TRAPPC12: variants seen among roughly 807,000 people sequenced by gnomAD.
TRAPPC12 encodes trafficking protein particle complex subunit 12.
TRAPPC12 carries 61 observed loss-of-function variants against 69.2 expected under a neutral mutation model. That is an observed-to-expected ratio of 0.88 (90% CI 0.72 to 1.09). The LOEUF (loss-of-function observed/expected upper bound fraction) is 1.09. Among genes scored for constraint, TRAPPC12 ranks in the 50% least tolerant of loss-of-function variants. The pLI, the probability that TRAPPC12 is intolerant of heterozygous loss-of-function variation, is 0.00. For missense variants in TRAPPC12, 1,101 were observed against 1,016.4 expected (o/e 1.08, Z -1.13); for synonymous variants, 469 against 438.9 (o/e 1.07, Z -0.86).
At chr2:3,471,102 A>G (rs34188204) in intron 9 of TRAPPC12, among the ~76,000 whole-genome samples, 16,232 of 152,310 alleles carry the variant, frequency 0.11, 1,011 homozygotes, top group Middle Eastern at 0.14. Flanking sequence ...TGGCGAATAC[A>G]AGGATGGCAC....
At chr2:3,402,276 T>C (rs752567937) in intron 3 of TRAPPC12, among the ~76,000 whole-genome samples, 1 of 152,232 alleles carries the variant, frequency 6.6e-6, no homozygotes, top group South Asian at 2.1e-4. Context: ...TTAAGCTTTG[T>C]CATGAATTCT....
chr2:3,457,729 C>G, intron 7 of TRAPPC12, 36 bp downstream of exon 7: 1 of 1,605,092 alleles, frequency 6.2e-7, no homozygotes, highest in Non-Finnish European at 8.5e-7. Flanking sequence ...AGATGCTTCT[C>G]GGACATCACT....
rs138177172 is a variant in TRAPPC12, at chr2:3,401,851, C to T, written c.1122C>T (p.Ala374=). The T allele has an allele frequency of 9.4e-6, 15 of 1,601,300 alleles. No homozygotes were observed. The highest frequency in any genetic ancestry group is 4.0e-5 in the African/African-American group (3 of 74,460). The change falls in exon 3 of 12, where the codon GCC becomes GCT. Residue 374 remains alanine (A), a synonymous_variant. Coordinates refer to ENST00000324266, the MANE Select transcript of TRAPPC12 (RefSeq NM_016030.6). ...CAGCAAAGAGACAAGTCCTAAATGCCGACTCAGTGGAACAATCTTTTGTTG... is the reference window on the plus strand; with the variant it reads ...CAGCAAAGAGACAAGTCCTAAATGCTGACTCAGTGGAACAATCTTTTGTTG... ...KAAAKRQVLN[A]DSVEQSFVGL...
intron 3 of TRAPPC12, among the ~76,000 whole-genome samples, chr2:3,411,195 T>C (rs1662035415): frequency 6.6e-6 from 1 of 152,206 alleles, no homozygotes; most frequent in South Asian, 2.1e-4. Context: ...TAGTAGTAAC[T>C]TACACCTTCC....
At chr2:3,415,952 A>G (rs543685721) in intron 3 of TRAPPC12, among the ~76,000 whole-genome samples, 67 of 150,372 alleles carry the variant, frequency 4.5e-4, no homozygotes, top group East Asian at 2.2e-3. Context: ...TCCTGACCTC[A>G]TGATCCGCCC....
At chr2:3,417,210 C>T (rs369067398) in intron 3 of TRAPPC12, among the ~76,000 whole-genome samples, 184 of 152,298 alleles carry the variant, frequency 1.2e-3, no homozygotes, top group African/African-American at 3.5e-3. Context: ...TCTCCATGTC[C>T]GGCCTGCCCT....
chr2:3,388,496 C>G lies in TRAPPC12; in HGVS notation c.873C>G (p.Asp291Glu). Reference protein sequence around the residue: ...AHIQAVFAGSDDPFATALSMS... With the variant: ...AHIQAVFAGSEDPFATALSMS... ...TCCAGGCAGTGTTTGCAGGGAGTGA[C>G]GACCCCTTTGCCACCGCCCTGAGCA... is the stretch of plus-strand genomic sequence containing the variant. The change falls in exon 2 of 12, where the codon GAC becomes GAG. Residue 291 changes from aspartate (D) to glutamate (E), a missense_variant. By Grantham distance (45) the Asp-to-Glu change is conservative. Transcript: ENST00000324266. 1.9e-6 allele frequency: 3 copies of G among 1,612,774 alleles called. No individual in the cohort carries two copies. The highest frequency in any genetic ancestry group is 2.2e-5 in the East Asian group (1 of 44,848).
chr2:3,383,582 T>A (rs1262348181), intron 1 of TRAPPC12, among the ~76,000 whole-genome samples: 1 of 151,822 alleles, frequency 6.6e-6, no homozygotes, highest in Non-Finnish European at 1.5e-5. Flanking sequence ...AATTTTTGTA[T>A]TTTTAGTAGA....
chr2:3,448,116 A>G (rs140411035), intron 6 of TRAPPC12, among the ~76,000 whole-genome samples: 99 of 152,236 alleles, frequency 6.5e-4, no homozygotes, highest in African/African-American at 2.2e-3. Flanking sequence ...CCCCCTACTA[A>G]TGCCCACAGC....
intron 3 of TRAPPC12, among the ~76,000 whole-genome samples, chr2:3,411,993 G>C (rs1662091495): frequency 6.6e-6 from 1 of 152,068 alleles, no homozygotes; most frequent in South Asian, 2.1e-4. Context: ...TGTTTTGCTA[G>C]TGAAGATCAA....
chr2:3,388,154 G>T lies in TRAPPC12; in HGVS notation c.531G>T (p.Pro177=). 12 of 1,605,102 alleles carry T rather than the reference G, an allele frequency of 7.5e-6. No homozygotes were observed. The highest frequency in any genetic ancestry group is 1.0e-5 in the Non-Finnish European group (12 of 1,176,548). Residue 177 remains proline (P), a synonymous_variant, in exon 2 of 12, where the codon CCG becomes CCT. Transcript: ENST00000324266. ...APPASGDGFE[P]QMVKSPSFGG... is the part of the protein sequence containing the mutation. ...CAGCCTCCGGGGACGGCTTCGAGCC[G>T]CAGATGGTGAAGTCGCCCAGCTTCG... is the stretch of plus-strand genomic sequence containing the variant.
rs1283785446 is a variant in TRAPPC12, at chr2:3,387,800, G to A, written c.177G>A (p.Ala59=). 9.3e-6 allele frequency: 15 copies of A among 1,613,258 alleles called. No homozygotes were observed. The Admixed American group carries it at 1.7e-4, about 18-fold the overall frequency. The change falls in exon 2 of 12, where the codon GCG becomes GCA. Residue 59 remains alanine, a synonymous_variant. Transcript: ENST00000324266. The part of the protein sequence containing the change: ...ETASEGSSPL[A]DKLNEHMMES... ...CATCGGAAGGCTCGAGTCCTCTCGCGGACAAGCTGAACGAACACATGATGG... is the reference window on the plus strand; with the variant it reads ...CATCGGAAGGCTCGAGTCCTCTCGCAGACAAGCTGAACGAACACATGATGG...
intron 6 of TRAPPC12, chr2:3,455,244 G>A (rs1458746181): frequency 6.6e-6 from 1 of 152,168 alleles, no homozygotes; most frequent in Non-Finnish European, 1.5e-5. Context: ...TTTAATTTTT[G>A]TAGATACATA....
chr2:3,392,306 CAAAG>C (rs1660873134), intron 2 of TRAPPC12, among the ~76,000 whole-genome samples: 1 of 148,260 alleles, frequency 6.7e-6, no homozygotes, highest in African/African-American at 2.5e-5. Context: ...TCTCCTGACA[CAAAG>C]GAAGGTGTAA....
chr2:3,462,478 G>C (rs1185479700), intron 8 of TRAPPC12, among the ~76,000 whole-genome samples: 1 of 152,082 alleles, frequency 6.6e-6, no homozygotes, highest in Non-Finnish European at 1.5e-5. Flanking sequence ...TAATAATATG[G>C]GGTATCCTGT....
chr2:3,460,163 A>T (rs563762795), intron 7 of TRAPPC12, 100 bp from the exon 8 acceptor site: 2 of 808,890 alleles, frequency 2.5e-6, no homozygotes, highest in South Asian at 2.8e-5. Flanking sequence ...AACAAGAGGG[A>T]TCTTTTAAAG....
intron 1 of TRAPPC12, among the ~76,000 whole-genome samples, chr2:3,383,556 G>A (rs369854547): frequency 3.5e-4 from 53 of 151,286 alleles, no homozygotes; most frequent in South Asian, 2.3e-3. Flanking sequence ...ACAGGTGCCC[G>A]CCACCACACC....
chr2:3,422,227 G>T (rs1662849788), intron 4 of TRAPPC12, among the ~76,000 whole-genome samples: 1 of 152,172 alleles, frequency 6.6e-6, no homozygotes, highest in African/African-American at 2.4e-5. Flanking sequence ...TCAGTCTCAT[G>T]GTGGAACCGG....
At chr2:3,446,207 T>C (rs566878345) in intron 6 of TRAPPC12, among the ~76,000 whole-genome samples, 2 of 152,354 alleles carry the variant, frequency 1.3e-5, no homozygotes, top group East Asian at 3.9e-4. Context: ...AAGATACATA[T>C]CTTTTCCATG....
Sources: gnomAD v4.1 joint callset for allele counts (sites outside exome capture counted in the v4.1 genomes callset) on GRCh38, gnomAD v4.1.1 for gene constraint, MANE v1.5 for transcripts, NCBI Gene and HGNC (gene_info 2026-07-23, HGNC 2026-07-21) for gene names.